The following XKR6 variants were observed in gnomAD, a reference collection of about 807,000 sequenced individuals.
XKR6 encodes XK-related protein 6.
In XKR6, 22 loss-of-function variants were observed where a neutral mutation model predicts 56.7. That is an observed-to-expected ratio of 0.39 (90% confidence interval 0.28 to 0.55). The LOEUF (loss-of-function observed/expected upper bound fraction) is 0.55. Ranked by LOEUF, XKR6 falls within the 20% of genes least tolerant of loss-of-function variation. XKR6 has a pLI of 0.66. For missense variants in XKR6, 852 were observed against 889.0 expected (o/e 0.96, Z 0.53); for synonymous variants, 524 against 387.8 (o/e 1.35, Z -4.13).
At chr8:11,102,380 T>C (rs1031725974) in intron 1 of XKR6, among the ~76,000 whole-genome samples, 10 of 152,140 alleles carry the variant, frequency 6.6e-5, no homozygotes, top group Non-Finnish European at 1.3e-4. Flanking sequence ...CTAGTAAGCA[T>C]CATCAATGTG....
intron 1 of XKR6, among the ~76,000 whole-genome samples, chr8:11,116,853 G>C (rs373299993): frequency 2.0e-5 from 3 of 152,122 alleles, no homozygotes; most frequent in Non-Finnish European, 2.9e-5. Flanking sequence ...CAACAACTGC[G>C]ACACTGTCCT....
intron 1 of XKR6, among the ~76,000 whole-genome samples, chr8:10,966,982 C>A (rs946041827): frequency 6.6e-6 from 1 of 152,148 alleles, no homozygotes; most frequent in Non-Finnish European, 1.5e-5. Context: ...GGTCTAGAGC[C>A]TCACTACTCA....
intron 2 of XKR6, among the ~76,000 whole-genome samples, chr8:10,923,873 A>C (rs1165554914): frequency 6.6e-6 from 1 of 152,208 alleles, no homozygotes; most frequent in East Asian, 1.9e-4. Context: ...AGCGCTCTGC[A>C]GTCAGGAACT....
intron 1 of XKR6, chr8:11,138,512 G>A (rs758158374): frequency 1.3e-5 from 2 of 152,156 alleles, no homozygotes; most frequent in Non-Finnish European, 2.9e-5. Context: ...GGCTACATTA[G>A]TTTTCCATTC....
intron 1 of XKR6, among the ~76,000 whole-genome samples, chr8:10,994,228 C>T (rs555845238): frequency 7.9e-5 from 12 of 152,338 alleles, no homozygotes; most frequent in Admixed American, 3.3e-4. Context: ...AATCTGAATC[C>T]ACCCTGAGCT....
intron 1 of XKR6, among the ~76,000 whole-genome samples, chr8:10,994,378 C>T (rs1393650176): frequency 3.3e-5 from 5 of 152,210 alleles, no homozygotes; most frequent in Non-Finnish European, 5.9e-5. Flanking sequence ...GATGTGACAC[C>T]CCCCATGCAG....
intron 1 of XKR6, among the ~76,000 whole-genome samples, chr8:10,928,726 G>C (rs552818126): frequency 6.6e-6 from 1 of 152,114 alleles, no homozygotes; most frequent in Admixed American, 6.5e-5. Context: ...TGCGCTCCGA[G>C]GGGGGAACCA....
intron 1 of XKR6, among the ~76,000 whole-genome samples, chr8:11,154,602 TGTGAGAA>T (rs1801422112): frequency 6.6e-6 from 1 of 152,358 alleles, no homozygotes; most frequent in Admixed American, 6.5e-5. Flanking sequence ...TTGCAGTTGG[TGTGAGAA>T]GTGAGAGTAG....
In XKR6 at chr8:11,200,485, G is replaced by T; in HGVS notation, c.764+91C>A. 7.5e-7 allele frequency: 1 copy of T among 1,337,566 alleles called. No individual in the cohort carries two copies. Among genetic ancestry groups the T allele is most frequent in the Non-Finnish European group, 9.5e-7 (1 of 1,047,278 alleles). 82.9% of individuals were successfully genotyped at this position (1,337,566 alleles called of 1,614,324 possible). A position where few individuals can be genotyped will look rare whatever the true frequency, so the allele number is the denominator to read the frequency against. ...GTCCCTCCTTCGAGCCCCCCGCGCT[G>T]GGCCCTTTCGAGGGGCCGCCCCGCG... On this transcript the variant is annotated intron_variant, in intron 1 of 2. Transcript: ENST00000416569. This position sits in a 1 kb window ranked among gnomAD's most constrained non-coding sequence, Gnocchi z 6.4.
At chr8:11,085,945 T>G (rs2409692) in intron 1 of XKR6, among the ~76,000 whole-genome samples, 42,810 of 151,798 alleles carry the variant, frequency 0.28, 6,607 homozygotes, top group African/African-American at 0.36. Flanking sequence ...TCCACCAACT[T>G]CCCAGATGAC....
Position 10,912,464 on chromosome 8 carries a change from T to TAG in XKR6, c.961+12169_961+12170insCT, listed in dbSNP as rs1214415880. On this transcript the variant is annotated intron_variant, in intron 2 of 2. Transcript: ENST00000416569. ...AGGTGAGTGTATATATATATATATA[T>TAG]ATAGAGAGAGAGAGAGAGAGAGAGA... Among the ~76,000 whole-genome samples, 911 of 114,158 alleles carry TAG rather than the reference T, an allele frequency of 8.0e-3. 6 individuals carry two copies. The highest frequency in any genetic ancestry group is 0.011 in the East Asian group (47 of 4,088). The allele number at this position is 114,158 out of a possible 152,430, so 74.9% of individuals were successfully genotyped here. A position where few individuals can be genotyped will look rare whatever the true frequency, so the allele number is the denominator to read the frequency against.
At chr8:10,944,753 G>A (rs1204916823) in intron 1 of XKR6, among the ~76,000 whole-genome samples, 1 of 152,130 alleles carries the variant, frequency 6.6e-6, no homozygotes, top group South Asian at 2.1e-4. Flanking sequence ...CTAGAGCAGA[G>A]ATGCCTTCTG....
At chr8:10,949,512 G>C (rs936062878) in intron 1 of XKR6, among the ~76,000 whole-genome samples, 1 of 152,240 alleles carries the variant, frequency 6.6e-6, no homozygotes, top group Non-Finnish European at 1.5e-5. Context: ...AGGCACACCT[G>C]TTCCTAGAAC....
chr8:11,058,760 G>A (rs1483888892), intron 1 of XKR6, among the ~76,000 whole-genome samples: 2 of 152,082 alleles, frequency 1.3e-5, no homozygotes, highest in East Asian at 1.9e-4. Context: ...CCTAGATGGC[G>A]GGTTGATAGG....
chr8:11,086,127 A>G (rs2129171258), intron 1 of XKR6, among the ~76,000 whole-genome samples: 1 of 113,180 alleles, frequency 8.8e-6, no homozygotes, highest in African/African-American at 4.7e-5. Context: ...GTTTTTTTAA[A>G]AAGAAAATAT....
chr8:10,902,875 T>C (rs1003056225), intron 2 of XKR6, among the ~76,000 whole-genome samples: 2 of 152,122 alleles, frequency 1.3e-5, no homozygotes, highest in African/African-American at 4.8e-5. Context: ...AGGTCAAAAC[T>C]CTTACCCCCA....
rs551640652 is a variant in XKR6, at chr8:11,111,146, G to A, written c.764+89430C>T. 4.4e-4 allele frequency among the ~76,000 whole-genome samples: 66 copies of A among 151,456 alleles called. 1 individual carries two copies. Among genetic ancestry groups the A allele is most frequent in the Non-Finnish European group, 7.8e-4 (53 of 67,924 alleles). On this transcript the variant is annotated intron_variant, in intron 1 of 2. Coordinates refer to ENST00000416569, the MANE Select transcript of XKR6 (RefSeq NM_173683.4). ...TGGCATTACAGGCGTGAGCCACTGCGCCTGCCCAACTTTCCATTTTTTAAA... is the reference window on the plus strand; with the variant it reads ...TGGCATTACAGGCGTGAGCCACTGCACCTGCCCAACTTTCCATTTTTTAAA...
intron 1 of XKR6, among the ~76,000 whole-genome samples, chr8:11,100,134 C>G (rs1798416420): frequency 6.6e-6 from 1 of 152,170 alleles, no homozygotes; most frequent in African/African-American, 2.4e-5. Context: ...TCACTGCAGT[C>G]TCGACCTCCC....
intron 1 of XKR6, among the ~76,000 whole-genome samples, chr8:11,112,806 T>G (rs116927324): frequency 0.048 from 7,369 of 152,270 alleles, 264 homozygotes; most frequent in South Asian, 0.08. Context: ...TTGTGAGTAA[T>G]TTTTTCTTAG....
Sources: gnomAD v4.1 joint callset for allele counts (sites outside exome capture counted in the v4.1 genomes callset) on GRCh38, gnomAD v4.1.1 for gene constraint, Gnocchi (gnomAD v3.1) non-coding constraint, MANE v1.5 for transcripts, NCBI Gene and HGNC (gene_info 2026-07-23, HGNC 2026-07-21) for gene names.